Variants in TRMT11 observed in about 807,000 individuals in gnomAD.
TRMT11 encodes the protein tRNA (guanine(10)-N(2))-methyltransferase TRMT11.
TRMT11 carries 53 observed loss-of-function variants against 62.8 expected under a neutral mutation model. The observed-to-expected ratio is 0.84, with a 90% confidence interval of 0.68 to 1.06. The LOEUF (loss-of-function observed/expected upper bound fraction) is 1.06. TRMT11 is among the 50% of genes least tolerant of loss of function. The probability of loss-of-function intolerance (pLI) is 0.00; values close to 1 mark genes in which losing one functional copy is unlikely to be tolerated. For synonymous variants in TRMT11, 188 were observed against 190.3 expected, an observed-to-expected ratio of 0.99 and a Z score of 0.10; for missense variants, 556 against 553.4, an observed-to-expected ratio of 1.00 and a Z score of -0.05.
chr6:126,206,657 T>C (rs1778794493), downstream of TRMT11, among the ~76,000 whole-genome samples: 1 of 152,236 alleles, frequency 6.6e-6, no homozygotes, highest in African/African-American at 2.4e-5. Context: ...TCAGAACTCA[T>C]AATAACTCAT....
intron 21 of TRMT11, among the ~76,000 whole-genome samples, chr6:126,157,664 T>C (rs982435388): frequency 6.6e-6 from 1 of 152,226 alleles, no homozygotes. Context: ...ATCCAGTACA[T>C]CAGCATCATC....
At chr6:126,010,726 G>GGT (rs1794050719) in intron 8 of TRMT11, among the ~76,000 whole-genome samples, 1 of 151,824 alleles carries the variant, frequency 6.6e-6, no homozygotes, top group Middle Eastern at 3.2e-3. Flanking sequence ...ATTAATCACT[G>GGT]GTGTCATCAT....
chr6:126,012,513 G>A (rs990218586), intron 9 of TRMT11, among the ~76,000 whole-genome samples: 2 of 152,148 alleles, frequency 1.3e-5, no homozygotes, highest in South Asian at 2.1e-4. Context: ...ATTGCATTTC[G>A]TAATGATATC....
the TRMT11 span, among the ~76,000 whole-genome samples, chr6:126,227,024 T>C: frequency 1.1e-4 from 17 of 152,240 alleles, no homozygotes; most frequent in Admixed American, 1.1e-3. Context: ...CCTTCTGCCA[T>C]GATTGTGAGG....
chr6:126,013,678 G>A (rs573309007), intron 11 of TRMT11, among the ~76,000 whole-genome samples: 2 of 152,334 alleles, frequency 1.3e-5, no homozygotes, highest in Admixed American at 1.3e-4. Context: ...TCTTGAGCTA[G>A]GACTAGTTTT....
At chr6:126,062,318 C>T (rs1024214599) in intron 17 of TRMT11, among the ~76,000 whole-genome samples, 11 of 152,168 alleles carry the variant, frequency 7.2e-5, no homozygotes, top group African/African-American at 1.9e-4. Flanking sequence ...GTTCTTAAGG[C>T]GTAGAGGGAG....
the TRMT11 span, among the ~76,000 whole-genome samples, chr6:126,258,838 AT>A: frequency 6.6e-6 from 1 of 152,128 alleles, no homozygotes. Flanking sequence ...AAAAATTAAA[AT>A]TTTAAGTTCA....
the TRMT11 span, among the ~76,000 whole-genome samples, chr6:126,271,378 A>G: frequency 6.8e-6 from 1 of 147,398 alleles, no homozygotes; most frequent in African/African-American, 2.6e-5. Context: ...AAAAAAAAAA[A>G]AAAAAAAAAA....
intron 16 of TRMT11, among the ~76,000 whole-genome samples, chr6:126,046,907 C>T (rs1413246236): frequency 2.6e-5 from 4 of 152,090 alleles, no homozygotes; most frequent in Admixed American, 1.3e-4. Context: ...AGAAAGAGCC[C>T]CATTTAGATA....
chr6:125,986,836 C>G (rs942774186), intron 1 of TRMT11: 7 of 548,586 alleles, frequency 1.3e-5, no homozygotes, highest in Admixed American at 1.0e-4. Flanking sequence ...CCTGCTTAAA[C>G]TTTTCATTCT....
the TRMT11 span, chr6:126,257,786 G>A: frequency 1.3e-5 from 8 of 612,508 alleles, no homozygotes; most frequent in African/African-American, 1.5e-4. Flanking sequence ...CCCAAAAATG[G>A]AAAACGAAGG....
chr6:126,124,349 A>C (rs987264383), intron 21 of TRMT11, among the ~76,000 whole-genome samples: 5 of 152,052 alleles, frequency 3.3e-5, no homozygotes, highest in African/African-American at 4.8e-5. Flanking sequence ...GCATGGAATG[A>C]GTGGTCTCAC....
the TRMT11 span, among the ~76,000 whole-genome samples, chr6:126,257,181 C>T: frequency 2.0e-3 from 311 of 151,958 alleles, no homozygotes; most frequent in Middle Eastern, 6.8e-3. Flanking sequence ...CCACTGTGCC[C>T]GGCCTAGCCT....
At chr6:125,987,699 A>AATGAC (rs1789892615) in intron 1 of TRMT11, among the ~76,000 whole-genome samples, 4 of 152,236 alleles carry the variant, frequency 2.6e-5, no homozygotes, top group Admixed American at 6.5e-5. Context: ...CCATACAGTC[A>AATGAC]TTAAGGCTGG....
chr6:126,007,579 T>C (rs1357021998), intron 7 of TRMT11, among the ~76,000 whole-genome samples: 2 of 152,058 alleles, frequency 1.3e-5, no homozygotes, highest in Non-Finnish European at 2.9e-5. Context: ...GTTCAGTTAA[T>C]TGTGTACAAT....
chr6:126,193,802 T>A (rs1449238870), intron 1 of TRMT11, among the ~76,000 whole-genome samples: 1 of 152,126 alleles, frequency 6.6e-6, no homozygotes, highest in Non-Finnish European at 1.5e-5. Context: ...GTGTTTTTGA[T>A]GTAGACCTCC....
At chr6:126,053,312 T>C (rs1028717853) in intron 17 of TRMT11, among the ~76,000 whole-genome samples, 4 of 152,226 alleles carry the variant, frequency 2.6e-5, no homozygotes, top group African/African-American at 4.8e-5. Context: ...TTCTGATGTT[T>C]TGACATCTGG....
At chr6:126,100,527 A>G (rs963969094) in intron 17 of TRMT11, among the ~76,000 whole-genome samples, 35 of 152,190 alleles carry the variant, frequency 2.3e-4, no homozygotes, top group African/African-American at 8.2e-4. Flanking sequence ...ATTTGCTACA[A>G]GGAATGTGCT....
the TRMT11 span, among the ~76,000 whole-genome samples, chr6:126,223,021 A>G: frequency 1.3e-5 from 2 of 152,166 alleles, no homozygotes; most frequent in Non-Finnish European, 2.9e-5. Context: ...GTCTGGTGGT[A>G]ACTAATTCTC....
Sources: gnomAD v4.1 joint callset for allele counts (sites outside exome capture counted in the v4.1 genomes callset) on GRCh38, gnomAD v4.1.1 for gene constraint, MANE v1.5 for transcripts, NCBI Gene and HGNC (gene_info 2026-07-23, HGNC 2026-07-21) for gene names.